The following AMPH variants were observed in gnomAD, a reference collection of about 807,000 sequenced individuals.
The protein encoded by AMPH is amphiphysin.
In AMPH, 49 loss-of-function variants were observed where a neutral mutation model predicts 99.1. The observed-to-expected ratio is 0.49, with a 90% CI of 0.39 to 0.63. The LOEUF is 0.63. Ranked by LOEUF, AMPH falls within the 20% of genes least tolerant of loss-of-function variation. AMPH has a pLI of 0.00. For missense variants in AMPH, 759 were observed against 863.4 expected, an observed-to-expected ratio of 0.88 and a Z score of 1.52; for synonymous variants, 314 against 317.3, an observed-to-expected ratio of 0.99 and a Z score of 0.11.
chr7:38,426,897 G>GA (rs1415325564), intron 15 of AMPH, 57 bp downstream of exon 15: 26 of 1,544,754 alleles, frequency 1.7e-5, no homozygotes, highest in Admixed American at 3.4e-5. Context: ...AAACCACATT[G>GA]AAAAAAATGT....
At chr7:38,557,371 A>C (rs1791403754) in intron 1 of AMPH, among the ~76,000 whole-genome samples, 1 of 152,142 alleles carries the variant, frequency 6.6e-6, no homozygotes, top group Admixed American at 6.5e-5. Context: ...GAGAGAGATG[A>C]GGTGGAGATA....
At chr7:38,508,243 G>T (rs1178219659) in intron 2 of AMPH, among the ~76,000 whole-genome samples, 1 of 152,124 alleles carries the variant, frequency 6.6e-6, no homozygotes, top group Non-Finnish European at 1.5e-5. Flanking sequence ...GACACCCCGG[G>T]GCAGGGGTGT....
At chr7:38,517,782 G>A (rs1789805650) in intron 2 of AMPH, among the ~76,000 whole-genome samples, 1 of 152,132 alleles carries the variant, frequency 6.6e-6, no homozygotes, top group African/African-American at 2.4e-5. Flanking sequence ...ACTATGTAAA[G>A]AATAAAAAGC....
chr7:38,454,264 C>T (rs975625992), intron 11 of AMPH, among the ~76,000 whole-genome samples: 3 of 152,072 alleles, frequency 2.0e-5, no homozygotes, highest in Non-Finnish European at 2.9e-5. Flanking sequence ...TCTGAGGTCC[C>T]TATTATTATC....
chr7:38,585,581 T>C (rs1334662416), intron 1 of AMPH, among the ~76,000 whole-genome samples: 2 of 152,176 alleles, frequency 1.3e-5, no homozygotes, highest in African/African-American at 4.8e-5. Flanking sequence ...GAGGAAACAA[T>C]GCAGAAAAAG....
intron 6 of AMPH, 93 bp from the exon 7 acceptor site, chr7:38,475,509 C>T: frequency 1.3e-6 from 1 of 787,582 alleles, no homozygotes; most frequent in Non-Finnish European, 2.0e-6. Context: ...AGTCTTATGG[C>T]ATCTTGGAAA....
chr7:38,427,022 T>C, intron 14 of AMPH, 36 bp from the exon 15 acceptor site: 2 of 1,592,982 alleles, frequency 1.3e-6, no homozygotes, highest in Non-Finnish European at 1.7e-6. Context: ...TGTTATTATT[T>C]TTCATTATCA....
intron 10 of AMPH, 77 bp from the exon 11 acceptor site, chr7:38,461,488 G>A (rs970306876): frequency 4.5e-6 from 7 of 1,563,758 alleles, no homozygotes; most frequent in Non-Finnish European, 5.3e-6. Context: ...CATGAACAGA[G>A]CTACATGGAC....
chr7:38,509,704 T>C (rs992905034), intron 2 of AMPH, among the ~76,000 whole-genome samples: 1 of 152,180 alleles, frequency 6.6e-6, no homozygotes, highest in Non-Finnish European at 1.5e-5. Context: ...TCATGGGCAT[T>C]ATTTAAAATC....
At position 38,420,731 on chromosome 7, in the gene AMPH, G is replaced by GT. The variant is rs147880648; in HGVS notation, c.1272+1689dup. Among the ~76,000 whole-genome samples the GT allele has an allele frequency of 5.5e-3, 832 of 152,294 alleles. 9 individuals carry two copies. Among genetic ancestry groups the GT allele is most frequent in the African/African-American group, 0.019 (783 of 41,568 alleles). ...CACATCCAATGTGGCCTTGTATCCA[G>GT]TTTCTCCAATCCTGAGAGAACTAAT... On this transcript the variant is annotated intron_variant, in intron 16 of 20. Coordinates refer to ENST00000356264, the MANE Select transcript of AMPH (RefSeq NM_001635.4).
At chr7:38,400,619 G>A (rs143618901) in intron 17 of AMPH, among the ~76,000 whole-genome samples, 213 of 152,352 alleles carry the variant, frequency 1.4e-3, no homozygotes, top group Non-Finnish European at 2.5e-3. Flanking sequence ...ATGAAAGCAG[G>A]TCAACAAGGA....
At chr7:38,386,968 T>C (rs1162704870) in intron 20 of AMPH, among the ~76,000 whole-genome samples, 1 of 152,136 alleles carries the variant, frequency 6.6e-6, no homozygotes, top group Non-Finnish European at 1.5e-5. Flanking sequence ...GGGGGTTATC[T>C]TGAAAAGAAA....
At chr7:38,449,667 C>T (rs923774145) in intron 11 of AMPH, among the ~76,000 whole-genome samples, 1 of 152,214 alleles carries the variant, frequency 6.6e-6, no homozygotes, top group African/African-American at 2.4e-5. Context: ...GGGCAATGAA[C>T]TGACTAAATT....
chr7:38,583,674 A>G (rs1382392874), intron 1 of AMPH, among the ~76,000 whole-genome samples: 2 of 152,358 alleles, frequency 1.3e-5, no homozygotes, highest in East Asian at 3.9e-4. Flanking sequence ...TAAAGAAAAT[A>G]AAGCAGAGCC....
intron 1 of AMPH, among the ~76,000 whole-genome samples, chr7:38,614,546 G>A (rs1793804264): frequency 6.6e-6 from 1 of 152,200 alleles, no homozygotes; most frequent in Non-Finnish European, 1.5e-5. Context: ...AATTGGTAGA[G>A]CACATGCATC....
intron 1 of AMPH, among the ~76,000 whole-genome samples, chr7:38,552,054 T>G (rs1427765378): frequency 1.3e-5 from 2 of 152,188 alleles, no homozygotes; most frequent in Admixed American, 6.5e-5. Context: ...AAGAAAATTA[T>G]CCAGGAAACC....
intron 2 of AMPH, among the ~76,000 whole-genome samples, chr7:38,524,523 A>G (rs1790089663): frequency 6.6e-6 from 1 of 152,162 alleles, no homozygotes; most frequent in Admixed American, 6.5e-5. Context: ...AAGGTAATTC[A>G]CTGACTTTGA....
chr7:38,474,519 A>T (rs980638697), intron 7 of AMPH, among the ~76,000 whole-genome samples: 1 of 152,194 alleles, frequency 6.6e-6, no homozygotes, highest in Non-Finnish European at 1.5e-5. Context: ...AAATGCTTAC[A>T]ATTTTGGTGG....
chr7:38,536,258 G>A (rs1410866350), intron 1 of AMPH, among the ~76,000 whole-genome samples: 1 of 152,080 alleles, frequency 6.6e-6, no homozygotes, highest in African/African-American at 2.4e-5. Flanking sequence ...GCAGAAGGAA[G>A]ATAACTAATA....
Sources: allele counts gnomAD v4.1 joint callset (sites outside exome capture counted in the v4.1 genomes callset), GRCh38; gene constraint gnomAD v4.1.1; transcripts MANE v1.5; gene names NCBI Gene and HGNC (gene_info 2026-07-23, HGNC 2026-07-21).